The following RAD21L1 variants were observed in gnomAD, a reference collection of about 807,000 sequenced individuals.
RAD21L1 encodes the protein double-strand-break repair protein rad21-like protein 1.
RAD21L1 carries 47 observed loss-of-function variants against 69.0 expected under a neutral mutation model. The observed-to-expected ratio is 0.68, with a 90% CI of 0.54 to 0.87. RAD21L1 has a LOEUF of 0.87. Among genes scored for constraint, RAD21L1 ranks in the 40% least tolerant of loss-of-function variants. The pLI, the probability that RAD21L1 is intolerant of heterozygous loss-of-function variation, is 0.00. For missense variants in RAD21L1, 583 were observed against 647.6 expected (o/e 0.90, Z 1.08); for synonymous variants, 177 against 205.8 (o/e 0.86, Z 1.20).
Position 1,254,336 on chromosome 20 carries a change from A to T in RAD21L1, c.1547A>T (p.Gln516Leu), listed in dbSNP as rs762934827. The T allele has an allele frequency of 2.8e-5, 44 of 1,551,274 alleles. No individual in the cohort carries two copies. The highest frequency in any genetic ancestry group is 3.8e-5 in the Non-Finnish European group (44 of 1,146,864). ...MKLCRNSDRK[Q>L]AAAKFYSFLV... The stretch of plus-strand genomic sequence containing the variant: ...CTCTGTAGAAATAGTGACCGAAAAC[A>T]AGCAGCTGCCAAATTTTATAGCTTT... The change falls in exon 14 of 14, where the codon CAA becomes CTA. Residue 516 changes from glutamine to leucine, a missense_variant. Physicochemically the swap from Gln to Leu is moderately radical, Grantham distance 113. Coordinates refer to ENST00000683101, the MANE Select transcript of RAD21L1 (RefSeq NM_001384355.1).
intron 13 of RAD21L1, among the ~76,000 whole-genome samples, chr20:1,251,456 T>A (rs1415922327): frequency 3.3e-5 from 5 of 151,914 alleles, no homozygotes; most frequent in Non-Finnish European, 5.9e-5. Flanking sequence ...AGAAAATTTT[T>A]AAAAATTTCT....
In RAD21L1 at chr20:1,228,518, A is replaced by G; in HGVS notation, c.65A>G (p.His22Arg). The G allele has an allele frequency of 6.4e-7, 1 of 1,550,492 alleles. No homozygotes were observed. ...TTGGCCAAAATATGGCTTGCAGCTC[A>G]CTGGGAGAAGAAACTCACAAAGGCC... is the stretch of plus-strand genomic sequence containing the variant. ...GPLAKIWLAA[H>R]WEKKLTKAHV... Residue 22 changes from histidine to arginine, a missense_variant, in exon 2 of 14, where the codon CAC becomes CGC. Physicochemically the swap from His to Arg is conservative, Grantham distance 29. Coordinates refer to ENST00000683101, the MANE Select transcript of RAD21L1 (RefSeq NM_001384355.1).
Position 1,240,384 on chromosome 20 carries a change from T to C in RAD21L1, c.806T>C (p.Leu269Ser). The change falls in exon 8 of 14, where the codon TTA becomes TCA. Residue 269 changes from leucine (L) to serine (S), a missense_variant. Leu to Ser is a moderately radical substitution (Grantham distance 145, BLOSUM62 -2). Transcript: ENST00000683101. ...AATGAAAAAATGAATGAAACAATAT[T>C]ATTATCAACTGAAGAGGAAGGATTT... ...PENEKMNETI[L>S]LSTEEEGFTL... 3.2e-6 allele frequency: 5 copies of C among 1,550,028 alleles called. No individual in the cohort carries two copies. The highest frequency in any genetic ancestry group is 4.4e-6 in the Non-Finnish European group (5 of 1,146,216).
chr20:1,238,030 A>T lies in RAD21L1; in HGVS notation c.476-14A>T. On this transcript the variant is annotated splice_polypyrimidine_tract_variant and intron_variant, in intron 5 of 13. Transcript: ENST00000683101. Reference sequence around the variant, plus strand: ...GTTTCTATGAATTAGTATTAATGATATATATTTATTTAGGGGAGGAATCTG... The same window carrying T: ...GTTTCTATGAATTAGTATTAATGATTTATATTTATTTAGGGGAGGAATCTG... 1.5e-6 allele frequency: 2 copies of T among 1,376,028 alleles called. No homozygotes were observed. The highest frequency in any genetic ancestry group is 2.0e-6 in the Non-Finnish European group (2 of 1,003,894). The allele number at this position is 1,376,028 out of a possible 1,614,324, so 85.2% of individuals were successfully genotyped here.
At chr20:1,243,760 C>T (rs980556871) in intron 10 of RAD21L1, among the ~76,000 whole-genome samples, 9 of 152,116 alleles carry the variant, frequency 5.9e-5, no homozygotes, top group Non-Finnish European at 1.3e-4. Flanking sequence ...GAACAATATA[C>T]CACAATGGGC....
At chr20:1,228,686 T>C (rs1402283043) in intron 2 of RAD21L1, 89 bp downstream of exon 2, 1 of 968,650 alleles carries the variant, frequency 1.0e-6, no homozygotes, top group African/African-American at 1.7e-5. Flanking sequence ...TGAAATACAT[T>C]TTCAAGGAAG....
At chr20:1,234,774 G>C (rs560262584) in intron 5 of RAD21L1, among the ~76,000 whole-genome samples, 1 of 152,062 alleles carries the variant, frequency 6.6e-6, no homozygotes, top group South Asian at 2.1e-4. Flanking sequence ...TTTTGACACA[G>C]GGTTTTGTTC....
At position 1,239,413 on chromosome 20, in the gene RAD21L1, T is replaced by A. The variant is rs996006852; in HGVS notation, c.742+6T>A. 38 of 1,510,842 alleles carry A rather than the reference T, an allele frequency of 2.5e-5. No individual in the cohort carries two copies. The highest frequency in any genetic ancestry group is 3.4e-5 in the Non-Finnish European group (38 of 1,112,510). 93.6% of individuals were successfully genotyped at this position (1,510,842 alleles called of 1,614,324 possible). A position where few individuals can be genotyped will look rare whatever the true frequency, so the allele number is the denominator to read the frequency against. On this transcript the variant is annotated splice_donor_region_variant and intron_variant, in intron 7 of 13. Coordinates refer to ENST00000683101, the MANE Select transcript of RAD21L1 (RefSeq NM_001384355.1). Reference sequence around the variant, plus strand: ...GCCTCCCAATAGTTTAGCAGGTAGGTTGAAATTTTCCTTTATGAGAAAGTA... The same window carrying A: ...GCCTCCCAATAGTTTAGCAGGTAGGATGAAATTTTCCTTTATGAGAAAGTA...
At chr20:1,237,092 G>T (rs2087509889) in intron 5 of RAD21L1, among the ~76,000 whole-genome samples, 1 of 152,102 alleles carries the variant, frequency 6.6e-6, no homozygotes, top group South Asian at 2.1e-4. Context: ...GAAGATTTAG[G>T]TCTATAGAAG....
intron 4 of RAD21L1, 50 bp from the exon 5 acceptor site, chr20:1,234,035 A>G (rs900861438): frequency 3.6e-6 from 3 of 823,846 alleles, no homozygotes; most frequent in Non-Finnish European, 3.9e-6. Flanking sequence ...TTTTTACAGT[A>G]TCATTGTTTT....
At chr20:1,249,138 C>G (rs1332589915) in intron 13 of RAD21L1, among the ~76,000 whole-genome samples, 1 of 152,088 alleles carries the variant, frequency 6.6e-6, no homozygotes, top group Non-Finnish European at 1.5e-5. Flanking sequence ...TTTGTCCTAC[C>G]TCTCCTTATC....
At chr20:1,238,693 A>G (rs2122816947) in intron 6 of RAD21L1, among the ~76,000 whole-genome samples, 1 of 152,176 alleles carries the variant, frequency 6.6e-6, no homozygotes, top group South Asian at 2.1e-4. Flanking sequence ...CCTTCTACCA[A>G]TTTATTGCCT....
chr20:1,230,989 T>C (rs2087378643), intron 3 of RAD21L1: 1 of 152,734 alleles, frequency 6.5e-6, no homozygotes, highest in Non-Finnish European at 1.5e-5. Flanking sequence ...TAAAGGAAAA[T>C]AAAGTGCTAC....
intron 11 of RAD21L1, among the ~76,000 whole-genome samples, chr20:1,245,820 C>T (rs1357290636): frequency 6.6e-6 from 1 of 151,900 alleles, no homozygotes; most frequent in African/African-American, 2.4e-5. Flanking sequence ...TATTGCAGAT[C>T]TCTTTCCTCT....
rs188677359 is a variant in RAD21L1, at chr20:1,246,710, C to G, written c.1401+405C>G. Among the ~76,000 whole-genome samples the G allele has an allele frequency of 4.7e-4, 72 of 152,126 alleles. No homozygotes were observed. Among genetic ancestry groups the G allele is most frequent in the Admixed American group, 2.6e-3 (40 of 15,268 alleles). On this transcript the variant is annotated intron_variant, in intron 12 of 13. Coordinates refer to ENST00000683101, the MANE Select transcript of RAD21L1 (RefSeq NM_001384355.1). The surrounding 1 kb of genome is among the most constrained non-coding windows in gnomAD (Gnocchi z 4.6). ...ACAAAAAACTTGTGGGCAATTTTTC[C>G]TTTAACATTATGTGGCACAAGGCTT...
At chr20:1,240,920 G>T (rs1012206522) in intron 8 of RAD21L1, among the ~76,000 whole-genome samples, 1 of 152,194 alleles carries the variant, frequency 6.6e-6, no homozygotes, top group Non-Finnish European at 1.5e-5. Flanking sequence ...CAGTTACGGT[G>T]CTAGAGCTGT....
At chr20:1,230,517 A>T in intron 3 of RAD21L1, 3 of 647,748 alleles carry the variant, frequency 4.6e-6, no homozygotes, top group Non-Finnish European at 3.8e-6. Flanking sequence ...CATCTGTTTC[A>T]CTTTGAAGAC....
chr20:1,229,863 TC>T lies in RAD21L1; in HGVS notation c.145-16del. On this transcript the variant is annotated splice_polypyrimidine_tract_variant and intron_variant, in intron 2 of 13. Coordinates refer to ENST00000683101, the MANE Select transcript of RAD21L1 (RefSeq NM_001384355.1). Reference sequence around the variant, plus strand: ...ACCTAATCTTTACTCTTCTAATACTTCAAAAATTATTGAAAGGTGAAAATAG... The same window carrying T: ...ACCTAATCTTTACTCTTCTAATACTTAAAAATTATTGAAAGGTGAAAATAG... 1 of 1,533,718 alleles carries T rather than the reference TC, an allele frequency of 6.5e-7. No homozygotes were observed. Among genetic ancestry groups the T allele is most frequent in the Non-Finnish European group, 8.8e-7 (1 of 1,133,352 alleles).
In RAD21L1 at chr20:1,228,538, A is replaced by C; in HGVS notation, c.85A>C (p.Lys29Gln). The C allele has an allele frequency of 6.4e-7, 1 of 1,550,552 alleles. No homozygotes were observed. The highest frequency in any genetic ancestry group is 8.7e-7 in the Non-Finnish European group (1 of 1,146,326). The stretch of plus-strand genomic sequence containing the variant: ...AGCTCACTGGGAGAAGAAACTCACA[A>C]AGGCCCATGTATTTGAATGTAATCT... ...LAAHWEKKLT[K>Q]AHVFECNLEI... The change falls in exon 2 of 14, where the codon AAG (lysine) becomes CAG (glutamine). Residue 29 changes from lysine (K) to glutamine (Q), a missense_variant. Transcript: ENST00000683101.
Sources: allele counts gnomAD v4.1 joint callset (sites outside exome capture counted in the v4.1 genomes callset), GRCh38; gene constraint gnomAD v4.1.1; non-coding constraint Gnocchi (gnomAD v3.1); transcripts MANE v1.5; gene names NCBI Gene and HGNC (gene_info 2026-07-23, HGNC 2026-07-21).